SNX3: variants seen among roughly 807,000 people sequenced by gnomAD.
The protein encoded by SNX3 is sorting nexin 3, also known as sorting nexin-3.
A neutral mutation model predicts 17.7 loss-of-function variants in SNX3; 5 were observed. That is an observed-to-expected ratio of 0.28 (90% CI 0.15 to 0.59). SNX3 has a LOEUF of 0.59. Among genes scored for constraint, SNX3 ranks in the 20% least tolerant of loss-of-function variants. The probability of loss-of-function intolerance (pLI) is 0.88; values close to 1 mark genes in which losing one functional copy is unlikely to be tolerated. For missense variants in SNX3, 132 were observed against 206.8 expected, an observed-to-expected ratio of 0.64 and a Z score of 2.22; for synonymous variants, 91 against 76.5, an observed-to-expected ratio of 1.19 and a Z score of -0.99.
chr6:108,228,214 G>A (rs1390323635), intron 1 of SNX3, among the ~76,000 whole-genome samples: 1 of 152,082 alleles, frequency 6.6e-6, no homozygotes, highest in African/African-American at 2.4e-5. Flanking sequence ...AGACCAGGCT[G>A]GGCAACATGG....
At chr6:108,244,766 A>G (rs1345852309) in intron 1 of SNX3, among the ~76,000 whole-genome samples, 4 of 140,690 alleles carry the variant, frequency 2.8e-5, no homozygotes, top group African/African-American at 5.3e-5. Context: ...CAGCTTTCCC[A>G]GTAGCTGGGA....
intron 1 of SNX3, among the ~76,000 whole-genome samples, chr6:108,234,370 T>C (rs1775261559): frequency 6.6e-6 from 1 of 152,036 alleles, no homozygotes; most frequent in African/African-American, 2.4e-5. Context: ...CTGGCCAATA[T>C]GGCAAAACCC....
chr6:108,255,630 C>T (rs1776006478), intron 1 of SNX3, among the ~76,000 whole-genome samples: 1 of 152,180 alleles, frequency 6.6e-6, no homozygotes, highest in African/African-American at 2.4e-5. Flanking sequence ...GGATTACATA[C>T]AGGAGCCACC....
chr6:108,232,425 T>C (rs1256124696), intron 1 of SNX3, among the ~76,000 whole-genome samples: 1 of 152,126 alleles, frequency 6.6e-6, no homozygotes, highest in African/African-American at 2.4e-5. Context: ...ACCACATTAT[T>C]GGTCTCCAAA....
chr6:108,240,703 T>C (rs532951784), intron 1 of SNX3, among the ~76,000 whole-genome samples: 4 of 152,198 alleles, frequency 2.6e-5, no homozygotes, highest in Non-Finnish European at 5.9e-5. Flanking sequence ...AACAGCAACA[T>C]TGGCAGCAAA....
At chr6:108,235,514 A>G (rs1388989341) in intron 1 of SNX3, among the ~76,000 whole-genome samples, 1 of 152,250 alleles carries the variant, frequency 6.6e-6, no homozygotes, top group African/African-American at 2.4e-5. Context: ...AACTGAAGCA[A>G]TAACCTGACT....
intron 1 of SNX3, among the ~76,000 whole-genome samples, chr6:108,249,962 G>C (rs891214785): frequency 1.3e-5 from 2 of 152,140 alleles, no homozygotes; most frequent in Non-Finnish European, 2.9e-5. Flanking sequence ...ACAGGCTGGA[G>C]TGCAGTGGTG....
chr6:108,238,459 CT>C (rs1297108692), intron 1 of SNX3, among the ~76,000 whole-genome samples: 1 of 152,016 alleles, frequency 6.6e-6, no homozygotes, highest in Admixed American at 6.6e-5. Flanking sequence ...ACTTACACCA[CT>C]ACATATCAAA....
At position 108,249,293 on chromosome 6, in the gene SNX3, G is replaced by A. The variant is rs139407588; in HGVS notation, c.162+11467C>T. Among the ~76,000 whole-genome samples, 467 of 152,194 alleles carry A rather than the reference G, an allele frequency of 3.1e-3. 4 individuals are homozygous for A. Among genetic ancestry groups the A allele is most frequent in the African/African-American group, 0.011 (453 of 41,512 alleles). On this transcript the variant is annotated intron_variant, in intron 1 of 3. Transcript: ENST00000230085. Reference sequence around the variant, plus strand: ...AAAAATTAGCTGGGCATGGTGGCACGTGCCTGTAATCCCAGCTACTTGGTA... The same window carrying A: ...AAAAATTAGCTGGGCATGGTGGCACATGCCTGTAATCCCAGCTACTTGGTA...
At chr6:108,228,997 T>C (rs180737437) in intron 1 of SNX3, among the ~76,000 whole-genome samples, 1 of 152,258 alleles carries the variant, frequency 6.6e-6, no homozygotes, top group Admixed American at 6.5e-5. Flanking sequence ...CGGTGGCTTA[T>C]GCCTATAATC....
chr6:108,241,357 G>A (rs1775518167), intron 1 of SNX3, among the ~76,000 whole-genome samples: 1 of 151,772 alleles, frequency 6.6e-6, no homozygotes, highest in African/African-American at 2.4e-5. Context: ...AACCTGCACT[G>A]GCAAAAAGCA....
chr6:108,253,172 G>A (rs1775918080), intron 1 of SNX3, among the ~76,000 whole-genome samples: 1 of 152,170 alleles, frequency 6.6e-6, no homozygotes, highest in Non-Finnish European at 1.5e-5. Context: ...TGATCACCAG[G>A]ATAGCTCAAA....
intron 1 of SNX3, among the ~76,000 whole-genome samples, chr6:108,244,651 T>TTG (rs1444162035): frequency 2.9e-5 from 4 of 138,664 alleles, no homozygotes; most frequent in African/African-American, 8.1e-5. Context: ...TAAGGAGTTT[T>TTG]TTTTTTTTTT....
At chr6:108,239,044 G>A (rs1562432589) in intron 1 of SNX3, among the ~76,000 whole-genome samples, 1 of 151,928 alleles carries the variant, frequency 6.6e-6, no homozygotes, top group African/African-American at 2.4e-5. Context: ...GGAATTACAT[G>A]CATGTGCCCC....
intron 1 of SNX3, among the ~76,000 whole-genome samples, chr6:108,232,693 T>G (rs1054989558): frequency 6.6e-6 from 1 of 152,258 alleles, no homozygotes; most frequent in African/African-American, 2.4e-5. Flanking sequence ...CCATACTCTA[T>G]TCAACCAATC....
Position 108,260,852 on chromosome 6 carries a change from G to C in SNX3, c.70C>G (p.Pro24Ala). Residue 24 changes from proline (P) to alanine (A), a missense_variant, in exon 1 of 4, where the codon CCC becomes GCC. Pro to Ala is a conservative substitution (Grantham distance 27). Around this residue, in one of 2 missense-constraint regions of SNX3, gnomAD observed 78 missense variants for 88.8 expected, o/e 0.88. Transcript: ENST00000230085. ...TCGATCTCGAGGAAGTTGCTGGGGG[G>C]TCCGTAGGCGTCATTCAGGTTCTGC... Reference protein sequence around the residue: ...KPQNLNDAYGPPSNFLEIDVS... With the variant: ...KPQNLNDAYGAPSNFLEIDVS... The C allele has an allele frequency of 6.2e-7, 1 of 1,613,212 alleles. No individual in the cohort carries two copies. The highest frequency in any genetic ancestry group is 8.5e-7 in the Non-Finnish European group (1 of 1,179,556).
intron 1 of SNX3, among the ~76,000 whole-genome samples, chr6:108,239,224 T>C (rs1775445751): frequency 6.6e-6 from 1 of 152,176 alleles, no homozygotes; most frequent in East Asian, 1.9e-4. Context: ...TTCTGATTCC[T>C]GGAAGTAGCA....
chr6:108,234,724 TTA>T lies in SNX3; in HGVS notation c.163-11681_163-11680del, dbSNP rs146822326. ...ACAAATCTTATTTTTATTAAATATA[TTA>T]TCAGTTTCTCATATCATTAACATGA... On this transcript the variant is annotated intron_variant, in intron 1 of 3. Transcript: ENST00000230085. Among the ~76,000 whole-genome samples, 575 of 152,284 alleles carry T rather than the reference TTA, an allele frequency of 3.8e-3. 5 individuals carry two copies. The highest frequency in any genetic ancestry group is 0.013 in the African/African-American group (552 of 41,532).
chr6:108,214,833 G>A (rs1774515059), intron 2 of SNX3, among the ~76,000 whole-genome samples: 1 of 152,178 alleles, frequency 6.6e-6, no homozygotes, highest in Admixed American at 6.5e-5. Context: ...CTAATTCAAA[G>A]GCAGGGCCCA....
Sources: allele counts gnomAD v4.1 joint callset (sites outside exome capture counted in the v4.1 genomes callset), GRCh38; gene constraint gnomAD v4.1.1; regional missense constraint gnomAD v4.1.1; transcripts MANE v1.5; gene names NCBI Gene and HGNC (gene_info 2026-07-23, HGNC 2026-07-21).